FYN: variants seen among roughly 807,000 people sequenced by gnomAD.
FYN encodes the protein FYN proto-oncogene, Src family tyrosine kinase, also known as tyrosine-protein kinase Fyn.
FYN carries 10 observed loss-of-function variants against 70.2 expected under a neutral mutation model. The observed-to-expected ratio is 0.14, with a 90% CI of 0.09 to 0.24. FYN has a LOEUF of 0.24. FYN is among the 10% of genes least tolerant of loss of function. The pLI is 1.00. For synonymous variants in FYN, 236 were observed against 248.6 expected, an observed-to-expected ratio of 0.95 and a Z score of 0.48; for missense variants, 319 against 673.1, an observed-to-expected ratio of 0.47 and a Z score of 5.82.
chr6:111,868,847 T>C (rs1276178990), intron 1 of FYN, among the ~76,000 whole-genome samples: 2 of 152,242 alleles, frequency 1.3e-5, no homozygotes, highest in East Asian at 3.8e-4. Flanking sequence ...ATATTATTAT[T>C]GTTAAGATCG....
chr6:111,838,956 C>A (rs956020715), intron 2 of FYN, among the ~76,000 whole-genome samples: 1 of 152,152 alleles, frequency 6.6e-6, no homozygotes, highest in Non-Finnish European at 1.5e-5. Flanking sequence ...GACTTCAGAC[C>A]GGGGCTTCCT....
chr6:111,667,822 T>C (rs751527300), intron 13 of FYN, among the ~76,000 whole-genome samples: 1 of 152,262 alleles, frequency 6.6e-6, no homozygotes, highest in Admixed American at 6.5e-5. Flanking sequence ...ATGGGCCATA[T>C]CTGTACAATC....
intron 12 of FYN, among the ~76,000 whole-genome samples, chr6:111,687,008 T>A (rs900230878): frequency 6.6e-6 from 1 of 152,262 alleles, no homozygotes; most frequent in Non-Finnish European, 1.5e-5. Flanking sequence ...TTTGTCAACC[T>A]AGCTGCCTGC....
chr6:111,861,679 G>A (rs958493884), intron 1 of FYN, among the ~76,000 whole-genome samples: 14 of 152,174 alleles, frequency 9.2e-5, no homozygotes, highest in East Asian at 5.8e-4. Context: ...AGCCATTAAC[G>A]AGGAATCACA....
chr6:111,717,196 C>T (rs749461571), intron 4 of FYN, among the ~76,000 whole-genome samples: 7 of 151,910 alleles, frequency 4.6e-5, no homozygotes, highest in East Asian at 1.9e-4. Flanking sequence ...TGTTGTTAAA[C>T]GTCAAAAGAC....
chr6:111,751,046 C>T (rs810747), intron 3 of FYN, among the ~76,000 whole-genome samples: 150,223 of 152,314 alleles, frequency 0.99, 74,111 homozygotes, highest in Middle Eastern at 1. Context: ...AAAAAAACAC[C>T]AAGAGAAGCA....
intron 2 of FYN, among the ~76,000 whole-genome samples, chr6:111,797,648 G>C (rs1390641458): frequency 1.7e-5 from 2 of 115,140 alleles, no homozygotes; most frequent in Non-Finnish European, 3.6e-5. Flanking sequence ...GAAGCAACAA[G>C]CTCAAAATCA....
chr6:111,702,574 C>G, intron 8 of FYN: 1 of 221,580 alleles, frequency 4.5e-6, no homozygotes, highest in Non-Finnish European at 8.7e-6. Context: ...ACATGCAACG[C>G]GGGGAATGGG....
chr6:111,686,978 T>C (rs921986351), intron 12 of FYN, among the ~76,000 whole-genome samples: 2 of 152,246 alleles, frequency 1.3e-5, no homozygotes, highest in African/African-American at 2.4e-5. Context: ...GAAACAGGGA[T>C]CCACTTCTTC....
intron 3 of FYN, among the ~76,000 whole-genome samples, chr6:111,759,638 G>T (rs1802914602): frequency 6.6e-6 from 1 of 152,186 alleles, no homozygotes; most frequent in Admixed American, 6.5e-5. Context: ...GGTGGGCTAT[G>T]TTCCACATTC....
intron 1 of FYN, among the ~76,000 whole-genome samples, chr6:111,860,976 C>A (rs115207039): frequency 6.6e-6 from 1 of 152,310 alleles, no homozygotes; most frequent in East Asian, 1.9e-4. Context: ...AGGGCTATTG[C>A]ATTTTCACCC....
At chr6:111,682,530 T>A (rs1798820225) in intron 12 of FYN, among the ~76,000 whole-genome samples, 1 of 152,252 alleles carries the variant, frequency 6.6e-6, no homozygotes, top group Admixed American at 6.5e-5. Flanking sequence ...GCATTTCAAA[T>A]GCTCCAATGA....
chr6:111,752,289 T>C (rs566032949), intron 3 of FYN, among the ~76,000 whole-genome samples: 3 of 152,336 alleles, frequency 2.0e-5, no homozygotes, highest in Admixed American at 2.0e-4. Flanking sequence ...ATACATCCTC[T>C]CTACTAAATG....
intron 12 of FYN, among the ~76,000 whole-genome samples, chr6:111,687,158 T>C (rs1382060240): frequency 6.6e-6 from 1 of 152,250 alleles, no homozygotes; most frequent in Non-Finnish European, 1.5e-5. Context: ...TATGAAAGAA[T>C]GTGTTAATTT....
At chr6:111,870,279 T>C (rs948198415) in intron 1 of FYN, among the ~76,000 whole-genome samples, 1 of 152,220 alleles carries the variant, frequency 6.6e-6, no homozygotes, top group Non-Finnish European at 1.5e-5. Context: ...CAGGTTACGA[T>C]GATAAGCTAT....
rs138159697 is a variant in FYN, at chr6:111,680,555, T to C, written c.1274-5925A>G. Among the ~76,000 whole-genome samples the C allele has an allele frequency of 5.1e-3, 783 of 152,358 alleles. 5 individuals carry two copies. Among genetic ancestry groups the C allele is most frequent in the Non-Finnish European group, 7.5e-3 (510 of 68,030 alleles). ...TAAAACATGGAAGATAACACATCAT[T>C]ACCTTGAGAATGACTTATGATGAGA... On this transcript the variant is annotated intron_variant, in intron 12 of 13. Transcript: ENST00000354650.
chr6:111,836,617 T>C (rs1773196307), intron 2 of FYN, among the ~76,000 whole-genome samples: 2 of 151,946 alleles, frequency 1.3e-5, no homozygotes, highest in South Asian at 4.2e-4. Context: ...TAATAAAAAA[T>C]ATTAGCCAGG....
chr6:111,838,197 T>C (rs1773248967), intron 2 of FYN, among the ~76,000 whole-genome samples: 1 of 152,142 alleles, frequency 6.6e-6, no homozygotes, highest in African/African-American at 2.4e-5. Flanking sequence ...CATGGGCTAA[T>C]ATTTGGGTAT....
intron 12 of FYN, among the ~76,000 whole-genome samples, chr6:111,688,050 C>G (rs1799102810): frequency 2.0e-5 from 3 of 152,060 alleles, no homozygotes; most frequent in Admixed American, 2.0e-4. Flanking sequence ...AAAAAACAAA[C>G]CAAAATAAAA....
Sources: allele counts gnomAD v4.1 joint callset (sites outside exome capture counted in the v4.1 genomes callset), GRCh38; gene constraint gnomAD v4.1.1; transcripts MANE v1.5; gene names NCBI Gene and HGNC (gene_info 2026-07-23, HGNC 2026-07-21).